The following PCNX2 variants were observed in gnomAD, a reference collection of about 807,000 sequenced individuals.
The protein encoded by PCNX2 is pecanex-like protein 2.
A neutral mutation model predicts 223.8 loss-of-function variants in PCNX2; 168 were observed. The ratio of observed to expected loss-of-function variants is 0.75; its 90% CI spans 0.66 to 0.85. The LOEUF (loss-of-function observed/expected upper bound fraction) is 0.85, where lower values mean the gene tolerates loss of function less well. PCNX2 is among the 40% of genes least tolerant of loss of function. The probability of loss-of-function intolerance (pLI) is 0.00; values close to 1 mark genes in which losing one functional copy is unlikely to be tolerated. For missense variants in PCNX2, 2,507 were observed against 2,675.5 expected (o/e 0.94, Z 1.39); for synonymous variants, 1,006 against 1,052.6 (o/e 0.96, Z 0.86).
chr1:233,276,788 T>A (rs1430080286), intron 1 of PCNX2, among the ~76,000 whole-genome samples: 1 of 152,220 alleles, frequency 6.6e-6, no homozygotes, highest in Non-Finnish European at 1.5e-5. Flanking sequence ...TCATTTAGCC[T>A]TTCAGGTGCT....
In PCNX2 at chr1:233,291,053, C is replaced by T. The variant is rs1435738063; in HGVS notation, c.153+4273G>A. 1.1e-5 allele frequency: 11 copies of T among 985,368 alleles called. No homozygotes were observed. The Admixed American group carries it at 1.8e-4, about 17-fold the overall frequency. The allele number at this position is 985,368 out of a possible 1,614,324, so 61.0% of individuals were successfully genotyped here. A position where few individuals can be genotyped will look rare whatever the true frequency, so the allele number is the denominator to read the frequency against. On this transcript the variant is annotated intron_variant, in intron 1 of 33. Coordinates refer to ENST00000258229, the MANE Select transcript of PCNX2 (RefSeq NM_014801.4). ...CATAATTCCACTGCAGGTGGCTCCA[C>T]GGTTTCACAGCCTTCAAAGTGCTCT...
chr1:233,053,385 G>T (rs1166495021), intron 25 of PCNX2, among the ~76,000 whole-genome samples: 1 of 152,044 alleles, frequency 6.6e-6, no homozygotes, highest in Non-Finnish European at 1.5e-5. Flanking sequence ...CATTGAATGT[G>T]GCACCTCCTC....
At chr1:233,027,437 G>A (rs886736765) in intron 25 of PCNX2, among the ~76,000 whole-genome samples, 30 of 152,166 alleles carry the variant, frequency 2.0e-4, no homozygotes, top group Admixed American at 1.6e-3. Context: ...TCTCCTGTAC[G>A]CTGCTGAGCA....
At chr1:233,239,902 A>G (rs1330262385) in intron 8 of PCNX2, among the ~76,000 whole-genome samples, 1 of 152,230 alleles carries the variant, frequency 6.6e-6, no homozygotes, top group African/African-American at 2.4e-5. Flanking sequence ...TATTTTATAA[A>G]GACAGTCTCA....
chr1:233,112,392 G>A (rs906600367), intron 21 of PCNX2, among the ~76,000 whole-genome samples: 2 of 152,316 alleles, frequency 1.3e-5, no homozygotes, highest in Middle Eastern at 3.4e-3. Flanking sequence ...GCACTCCTAG[G>A]TGCTGAATGA....
chr1:233,214,139 CTT>C (rs1435868112), intron 12 of PCNX2, among the ~76,000 whole-genome samples: 1 of 152,024 alleles, frequency 6.6e-6, no homozygotes, highest in Non-Finnish European at 1.5e-5. Context: ...CCAGTGCACT[CTT>C]TATTAAATCC....
At chr1:233,250,953 C>T in intron 7 of PCNX2, 121 bp from the exon 8 acceptor site, 1 of 1,022,718 alleles carries the variant, frequency 9.8e-7, no homozygotes. Flanking sequence ...TAACTGTTGA[C>T]AATCGGGGTC....
At chr1:233,025,726 G>A (rs994843633) in intron 25 of PCNX2, 5 of 345,936 alleles carry the variant, frequency 1.4e-5, no homozygotes, top group African/African-American at 8.3e-5. Flanking sequence ...TTTGAAAAAG[G>A]TAGTACATAC....
rs139378439 is a variant in PCNX2, at chr1:233,029,365, G to A, written c.4352-3966C>T. Among the ~76,000 whole-genome samples the A allele has an allele frequency of 1.4e-4, 21 of 152,102 alleles. 1 individual carries two copies. In the East Asian group the frequency reaches 2.7e-3, roughly 20 times the overall value. On this transcript the variant is annotated intron_variant, in intron 25 of 33. Transcript: ENST00000258229. ...GTTATTTGTATTATTGTTGTCAAACGTTTTACTTCAATATGTAATTTAAAC... is the reference window on the plus strand; with the variant it reads ...GTTATTTGTATTATTGTTGTCAAACATTTTACTTCAATATGTAATTTAAAC...
rs772006511 is a variant in PCNX2, at chr1:232,986,446, GCTCT to G, written c.5882_5885del (p.Glu1961AlafsTer46). 8 of 1,606,986 alleles carry G rather than the reference GCTCT, an allele frequency of 5.0e-6. No homozygotes were observed. Among genetic ancestry groups the G allele is most frequent in the Admixed American group, 1.7e-5 (1 of 59,318 alleles). On this transcript the variant is annotated frameshift_variant, in exon 33 of 34. Transcript: ENST00000258229. LOFTEE classifies it high-confidence loss of function. ...TGGACGTCTGGAGGAATGTTTGGCG[GCTCT>G]CTAAGATGGGGCCAGATGAGCTCAG...
chr1:233,018,480 G>A (rs1670762692), intron 26 of PCNX2, among the ~76,000 whole-genome samples: 1 of 152,180 alleles, frequency 6.6e-6, no homozygotes, highest in African/African-American at 2.4e-5. Context: ...AGTCCCACTT[G>A]GGGAAAATGC....
intron 8 of PCNX2, among the ~76,000 whole-genome samples, chr1:233,248,883 C>G (rs1659286179): frequency 6.6e-6 from 1 of 152,164 alleles, no homozygotes; most frequent in Non-Finnish European, 1.5e-5. Flanking sequence ...GCCGTTTCAC[C>G]AAGGCTGAAT....
intron 1 of PCNX2, among the ~76,000 whole-genome samples, chr1:233,270,711 A>G (rs1028371956): frequency 6.6e-6 from 1 of 152,192 alleles, no homozygotes; most frequent in Non-Finnish European, 1.5e-5. Context: ...TCTGTTTCTT[A>G]TGAAATCTGC....
At chr1:233,084,010 G>C (rs1673480962) in intron 23 of PCNX2, among the ~76,000 whole-genome samples, 1 of 152,134 alleles carries the variant, frequency 6.6e-6, no homozygotes, top group African/African-American at 2.4e-5. Context: ...AATGGGGTCA[G>C]GAATAAGGAT....
rs1659514452 is a variant in PCNX2 at position 233,252,491 on chromosome 1, C to T, written c.1991G>A (p.Gly664Asp). 1 of 1,604,376 alleles carries T rather than the reference C, an allele frequency of 6.2e-7. No homozygotes were observed. Among genetic ancestry groups the T allele is most frequent in the African/African-American group, 1.3e-5 (1 of 74,546 alleles). ...GTAGATTATCTGTCTTTGTCTATTG[C>T]CCTGAAAACTTAACACATATAAAAG... Reference protein sequence around the residue: ...QPAKTTAFFQGNRQRQIIYRV... With the variant: ...QPAKTTAFFQDNRQRQIIYRV... Residue 664 changes from glycine to aspartate, a missense_variant, in exon 7 of 34, where the codon GGC becomes GAC. By Grantham distance (94) the Gly-to-Asp change is moderately conservative. This residue lies in a region of PCNX2 where 1,031 missense variants were observed against 1,021.7 expected (regional missense o/e 1.01). Transcript: ENST00000258229.
intron 28 of PCNX2, among the ~76,000 whole-genome samples, chr1:233,003,148 GAC>G (rs1670150896): frequency 6.6e-6 from 1 of 152,116 alleles, no homozygotes; most frequent in African/African-American, 2.4e-5. Flanking sequence ...ACCCAAAATT[GAC>G]AAATGGGATC....
At chr1:232,998,978 G>A (rs41307742) in intron 31 of PCNX2, 127 bp downstream of exon 31, 3 of 1,050,664 alleles carry the variant, frequency 2.9e-6, no homozygotes, top group South Asian at 1.8e-5. Context: ...CCACTTGGGG[G>A]TAGCAGTTTT....
In PCNX2 at chr1:233,258,374, A is replaced by C. The variant is rs772182321; in HGVS notation, c.1488T>G (p.Leu496=). 1.9e-6 allele frequency: 3 copies of C among 1,613,952 alleles called. No homozygotes were observed. In the South Asian group the frequency reaches 3.3e-5, roughly 18 times the overall value. ...TAGACTCGGAGCCTGTATCAGGTGT[A>C]AGCCGGGACACCGATTCCCAGGGTT... ...SREPWESVSR[L]TPDTGSESKV... The change falls in exon 5 of 34, where the codon CTT becomes CTG. Residue 496 remains leucine (L), a synonymous_variant. Coordinates refer to ENST00000258229, the MANE Select transcript of PCNX2 (RefSeq NM_014801.4).
the PCNX2 span, among the ~76,000 whole-genome samples, chr1:233,327,273 G>T: frequency 1.3e-5 from 2 of 151,942 alleles, no homozygotes; most frequent in Non-Finnish European, 2.9e-5. Context: ...AGCGGATGAC[G>T]GCCGATCCCG....
Sources: gnomAD v4.1 joint callset for allele counts (sites outside exome capture counted in the v4.1 genomes callset) on GRCh38, gnomAD v4.1.1 for gene constraint, gnomAD v4.1.1 regional missense constraint, MANE v1.5 for transcripts, NCBI Gene and HGNC (gene_info 2026-07-23, HGNC 2026-07-21) for gene names.